CALN1: variants seen among roughly 807,000 people sequenced by gnomAD.
The protein encoded by CALN1 is calcium-binding protein 8.
In CALN1, 17 loss-of-function variants were observed where a neutral mutation model predicts 30.6. The ratio of observed to expected loss-of-function variants is 0.56; its 90% CI spans 0.38 to 0.83. The LOEUF is 0.83. Among genes scored for constraint, CALN1 ranks in the 40% least tolerant of loss-of-function variants. CALN1 has a pLI of 0.00. For synonymous variants in CALN1, 156 were observed against 131.4 expected, an observed-to-expected ratio of 1.19 and a Z score of -1.28; for missense variants, 291 against 354.9, an observed-to-expected ratio of 0.82 and a Z score of 1.45.
chr7:72,416,809 C>T (rs1334659631), upstream of CALN1, among the ~76,000 whole-genome samples: 3 of 151,566 alleles, frequency 2.0e-5, no homozygotes, highest in Non-Finnish European at 2.9e-5. Context: ...TTTGGGGACC[C>T]ACCTCTCCTG....
At chr7:72,344,977 AT>A (rs890896072) in intron 2 of CALN1, among the ~76,000 whole-genome samples, 1 of 147,220 alleles carries the variant, frequency 6.8e-6, no homozygotes, top group Non-Finnish European at 1.5e-5. Flanking sequence ...TTATATATAA[AT>A]ATTTATAAAA....
intron 5 of CALN1, among the ~76,000 whole-genome samples, chr7:71,979,869 C>CTTTTTTTTTT (rs555621436): frequency 5.1e-4 from 46 of 89,680 alleles, no homozygotes; most frequent in African/African-American, 1.9e-3. Context: ...CATCAGGATT[C>CTTTTTTTTTT]TTTTTTTTTT....
intron 2 of CALN1, among the ~76,000 whole-genome samples, chr7:72,395,458 C>A (rs1805866157): frequency 6.6e-6 from 1 of 152,154 alleles, no homozygotes; most frequent in Non-Finnish European, 1.5e-5. Context: ...TGTAGGGCAT[C>A]ACTAAGATTT....
At chr7:72,436,066 C>T (rs143748230) in intron 1 of CALN1, among the ~76,000 whole-genome samples, 3 of 152,296 alleles carry the variant, frequency 2.0e-5, no homozygotes, top group African/African-American at 7.2e-5. Flanking sequence ...GATTCCCTCT[C>T]CATAGAAGGC....
intron 2 of CALN1, among the ~76,000 whole-genome samples, chr7:72,378,463 A>G (rs748534622): frequency 1.3e-5 from 2 of 151,960 alleles, no homozygotes; most frequent in Non-Finnish European, 2.9e-5. Flanking sequence ...TTTTTTCAGG[A>G]TTTTTTAATG....
chr7:72,480,280 T>C, the CALN1 span, among the ~76,000 whole-genome samples: 2 of 152,350 alleles, frequency 1.3e-5, no homozygotes, highest in African/African-American at 4.8e-5. Context: ...GAGAAATGTT[T>C]TACTGTGTCT....
chr7:72,388,337 G>T (rs553878708), intron 2 of CALN1, among the ~76,000 whole-genome samples: 1 of 151,900 alleles, frequency 6.6e-6, no homozygotes, highest in Non-Finnish European at 1.5e-5. Flanking sequence ...CCTGGACATG[G>T]TCTCAGGAGT....
At chr7:72,002,424 G>A (rs1199904293) in intron 5 of CALN1, among the ~76,000 whole-genome samples, 3 of 152,070 alleles carry the variant, frequency 2.0e-5, no homozygotes, top group Non-Finnish European at 2.9e-5. Flanking sequence ...AAAAAGCAAA[G>A]CAGATATATG....
At chr7:72,197,638 T>A (rs1791127331) in intron 3 of CALN1, among the ~76,000 whole-genome samples, 20 of 152,190 alleles carry the variant, frequency 1.3e-4, no homozygotes, top group Admixed American at 1.0e-3. Flanking sequence ...AAGACCAGCC[T>A]AGACAACAAT....
In CALN1 at chr7:72,315,597, C is replaced by T. The variant is rs539731670; in HGVS notation, c.120-36787G>A. Among the ~76,000 whole-genome samples, 15 of 151,562 alleles carry T rather than the reference C, an allele frequency of 9.9e-5. No individual in the cohort carries two copies. In the South Asian group the frequency reaches 2.9e-3, roughly 30 times the overall value. The stretch of plus-strand genomic sequence containing the variant: ...GTGGATGCCTGTAGTCCCAGCTACT[C>T]GGGAGGCTGAGAAGGGAGGATTGCT... On this transcript the variant is annotated intron_variant, in intron 2 of 6. Transcript: ENST00000395275.
intron 3 of CALN1, among the ~76,000 whole-genome samples, chr7:72,135,179 G>A (rs1228237106): frequency 6.6e-6 from 1 of 152,104 alleles, no homozygotes; most frequent in Non-Finnish European, 1.5e-5. Flanking sequence ...CATCATCCAT[G>A]AAGGCTGGAA....
intron 5 of CALN1, among the ~76,000 whole-genome samples, chr7:71,850,207 T>C (rs1224893380): frequency 2.0e-5 from 3 of 152,064 alleles, no homozygotes; most frequent in Admixed American, 6.6e-5. Flanking sequence ...TATACTGACA[T>C]ACTGTTTTTG....
intron 3 of CALN1, among the ~76,000 whole-genome samples, chr7:72,244,798 T>C (rs1397105623): frequency 1.3e-5 from 2 of 152,084 alleles, no homozygotes; most frequent in East Asian, 3.9e-4. Context: ...AAAGAATGAC[T>C]ATTCCCTTTC....
At chr7:72,068,529 C>T (rs536478378) in intron 4 of CALN1, among the ~76,000 whole-genome samples, 27 of 152,100 alleles carry the variant, frequency 1.8e-4, no homozygotes, top group Non-Finnish European at 3.1e-4. Flanking sequence ...ACTCTGTTAC[C>T]CAAGCTGGAG....
chr7:72,248,973 T>C (rs1479921530), intron 3 of CALN1, among the ~76,000 whole-genome samples: 2 of 152,220 alleles, frequency 1.3e-5, no homozygotes, highest in Non-Finnish European at 2.9e-5. Flanking sequence ...AAAGAAGTAT[T>C]TTTAATCAAG....
the CALN1 span, among the ~76,000 whole-genome samples, chr7:72,458,085 A>T: frequency 2.1e-5 from 3 of 144,146 alleles, no homozygotes; most frequent in Admixed American, 1.5e-4. Context: ...CCTGGTACAG[A>T]GTGGCCTCAC....
At chr7:72,205,871 A>G (rs1432959602) in intron 3 of CALN1, among the ~76,000 whole-genome samples, 2 of 152,010 alleles carry the variant, frequency 1.3e-5, no homozygotes, top group Non-Finnish European at 2.9e-5. Flanking sequence ...TAAGGAAAGA[A>G]CCCAACAATT....
At chr7:72,297,044 G>A (rs1798912653) in intron 2 of CALN1, among the ~76,000 whole-genome samples, 2 of 151,944 alleles carry the variant, frequency 1.3e-5, no homozygotes, top group Admixed American at 6.6e-5. Context: ...GATCTTTCCT[G>A]CTTTCTCTTG....
intron 4 of CALN1, among the ~76,000 whole-genome samples, chr7:72,096,605 C>T (rs1459498823): frequency 6.6e-6 from 1 of 152,156 alleles, no homozygotes; most frequent in Non-Finnish European, 1.5e-5. Context: ...AGAACGCTTC[C>T]TGGTTCGACT....
Sources: allele counts gnomAD v4.1 joint callset (sites outside exome capture counted in the v4.1 genomes callset), GRCh38; gene constraint gnomAD v4.1.1; transcripts MANE v1.5; gene names NCBI Gene and HGNC (gene_info 2026-07-23, HGNC 2026-07-21).